SLC28A3: variants seen among roughly 807,000 people sequenced by gnomAD.
SLC28A3 encodes concentrative Na(+)-nucleoside cotransporter 3.
SLC28A3 carries 68 observed loss-of-function variants against 84.2 expected under a neutral mutation model. The ratio of observed to expected loss-of-function variants is 0.81; its 90% CI spans 0.66 to 0.99. The LOEUF (loss-of-function observed/expected upper bound fraction) is 0.99. Among genes scored for constraint, SLC28A3 ranks in the 50% least tolerant of loss-of-function variants. SLC28A3 has a pLI of 0.00. For synonymous variants in SLC28A3, 267 were observed against 303.6 expected (o/e 0.88, Z 1.25); for missense variants, 712 against 841.5 (o/e 0.85, Z 1.90).
intron 1 of SLC28A3, among the ~76,000 whole-genome samples, chr9:84,318,096 G>T (rs1016549845): frequency 6.6e-6 from 1 of 152,032 alleles, no homozygotes; most frequent in African/African-American, 2.4e-5. Flanking sequence ...TTATCTATTG[G>T]TCTTGACTCA....
intron 1 of SLC28A3, among the ~76,000 whole-genome samples, chr9:84,340,134 G>A (rs761592665): frequency 6.0e-4 from 92 of 152,308 alleles, no homozygotes; most frequent in Non-Finnish European, 9.6e-4. Flanking sequence ...ACTGATTTGC[G>A]TAATCCAGCT....
At chr9:84,313,563 G>A in intron 1 of SLC28A3, 109 bp from the exon 2 acceptor site, 2 of 823,428 alleles carry the variant, frequency 2.4e-6, no homozygotes, top group Admixed American at 4.8e-5. Flanking sequence ...ACAAAGATTA[G>A]GTGTTCAGAT....
chr9:84,327,925 CA>C (rs60624658), intron 1 of SLC28A3, among the ~76,000 whole-genome samples: 32 of 107,334 alleles, frequency 3.0e-4, no homozygotes, highest in Admixed American at 5.5e-4. Flanking sequence ...GACTCCATTT[CA>C]AAAAAAAAAA....
At chr9:84,294,887 C>T (rs142613789) in intron 8 of SLC28A3, among the ~76,000 whole-genome samples, 3 of 148,906 alleles carry the variant, frequency 2.0e-5, no homozygotes, top group African/African-American at 5.1e-5. Context: ...TGGCCCATTC[C>T]GTGGAAAGCA....
chr9:84,294,305 T>C, intron 8 of SLC28A3, 30 bp from the exon 9 acceptor site: 5 of 1,610,602 alleles, frequency 3.1e-6, no homozygotes, highest in Non-Finnish European at 4.2e-6. Flanking sequence ...CATGGATTAA[T>C]GATGGGTCCA....
intron 2 of SLC28A3, among the ~76,000 whole-genome samples, chr9:84,311,898 C>A (rs1194259649): frequency 6.6e-6 from 1 of 152,118 alleles, no homozygotes; most frequent in Non-Finnish European, 1.5e-5. Flanking sequence ...CCCTACCACC[C>A]CCTGATGCCT....
the SLC28A3 span, among the ~76,000 whole-genome samples, chr9:84,348,794 C>G: frequency 2.0e-5 from 3 of 152,206 alleles, no homozygotes; most frequent in Non-Finnish European, 4.4e-5. Context: ...CTGTCTCTCT[C>G]CTGTGCTCAC....
intron 1 of SLC28A3, among the ~76,000 whole-genome samples, chr9:84,338,488 G>A (rs1827055592): frequency 6.6e-6 from 1 of 152,174 alleles, no homozygotes; most frequent in African/African-American, 2.4e-5. Context: ...TCAATCCAAT[G>A]AGTAAGGATG....
At chr9:84,366,294 T>A in the SLC28A3 span, among the ~76,000 whole-genome samples, 2 of 152,132 alleles carry the variant, frequency 1.3e-5, no homozygotes, top group Admixed American at 1.3e-4. Flanking sequence ...GACCCTTCTG[T>A]GTTATCTTGA....
intron 1 of SLC28A3, among the ~76,000 whole-genome samples, chr9:84,319,907 C>T (rs969054153): frequency 6.6e-6 from 1 of 152,090 alleles, no homozygotes; most frequent in Non-Finnish European, 1.5e-5. Context: ...CCCTGACCCC[C>T]TTGAACGCTA....
the SLC28A3 span, among the ~76,000 whole-genome samples, chr9:84,361,352 G>A: frequency 7.9e-5 from 12 of 152,158 alleles, no homozygotes; most frequent in Admixed American, 1.3e-4. Context: ...TCAAAAAAAG[G>A]TTAAACATGC....
intron 17 of SLC28A3, 177 bp from the exon 18 acceptor site, chr9:84,278,521 G>A (rs1824608597): frequency 8.4e-6 from 6 of 714,498 alleles, no homozygotes; most frequent in Non-Finnish European, 1.1e-5. Flanking sequence ...CCTAAATTCT[G>A]GGTGTCCTCA....
rs1824594430 is a variant in SLC28A3 at position 84,278,225 on chromosome 9, G to A, written c.2069C>T (p.Thr690Ile). Reference sequence around the variant, plus strand: ...CTGGAGAAGTGGCTGACCTCAAAATGTATTAGAGATCCCATTGCAGTTAAA... The same window carrying A: ...CTGGAGAAGTGGCTGACCTCAAAATATATTAGAGATCCCATTGCAGTTAAA... ...STFNCNGISN[T>I]F Residue 690 changes from threonine (T) to isoleucine (I), a missense_variant, in exon 18 of 18, where the codon ACA (threonine) becomes ATA (isoleucine). Physicochemically the swap from Thr to Ile is moderately conservative, Grantham distance 89. Coordinates refer to ENST00000376238, the MANE Select transcript of SLC28A3 (RefSeq NM_001199633.2). 1 of 1,613,798 alleles carries A rather than the reference G, an allele frequency of 6.2e-7. No homozygotes were observed. Among genetic ancestry groups the A allele is most frequent in the Non-Finnish European group, 8.5e-7 (1 of 1,179,918 alleles).
At chr9:84,322,272 G>T (rs957089361) in intron 1 of SLC28A3, among the ~76,000 whole-genome samples, 2 of 152,224 alleles carry the variant, frequency 1.3e-5, no homozygotes, top group Non-Finnish European at 2.9e-5. Flanking sequence ...AGAGATAAAG[G>T]TAGTGTAAAG....
At chr9:84,299,539 AG>A in intron 6 of SLC28A3, 41 bp downstream of exon 6, 1 of 1,610,132 alleles carries the variant, frequency 6.2e-7, no homozygotes, top group African/African-American at 1.3e-5. Flanking sequence ...ACACATGGGG[AG>A]AAAAAGAAAA....
chr9:84,306,231 T>C (rs1825784719), intron 3 of SLC28A3, among the ~76,000 whole-genome samples: 1 of 152,140 alleles, frequency 6.6e-6, no homozygotes, highest in Admixed American at 6.5e-5. Context: ...GGGATAGCAC[T>C]TCTAAAAATG....
intron 1 of SLC28A3, among the ~76,000 whole-genome samples, chr9:84,321,878 G>C (rs547968745): frequency 2.0e-5 from 3 of 151,620 alleles, no homozygotes; most frequent in Non-Finnish European, 4.4e-5. Context: ...GGTGAAACCC[G>C]GTCTCTACTA....
upstream of SLC28A3, among the ~76,000 whole-genome samples, chr9:84,345,386 A>G (rs542337134): frequency 6.6e-6 from 1 of 152,334 alleles, no homozygotes; most frequent in African/African-American, 2.4e-5. Context: ...TCAAGACTCA[A>G]TCTAGTTGAA....
At chr9:84,292,497 G>GTC in intron 10 of SLC28A3, 171 bp downstream of exon 10, 1 of 482,230 alleles carries the variant, frequency 2.1e-6, no homozygotes, top group Non-Finnish European at 3.5e-6. Flanking sequence ...CTCTCTCTCT[G>GTC]TCTCTCTCTC....
Sources: gnomAD v4.1 joint callset for allele counts (sites outside exome capture counted in the v4.1 genomes callset) on GRCh38, gnomAD v4.1.1 for gene constraint, MANE v1.5 for transcripts, NCBI Gene and HGNC (gene_info 2026-07-23, HGNC 2026-07-21) for gene names.